MYH14: variants seen among roughly 807,000 people sequenced by gnomAD.
The protein encoded by MYH14 is myosin-14.
A neutral mutation model predicts 255.5 loss-of-function variants in MYH14; 123 were observed. The ratio of observed to expected loss-of-function variants is 0.48; its 90% confidence interval spans 0.42 to 0.56. The LOEUF is 0.56. Among genes scored for constraint, MYH14 ranks in the 20% least tolerant of loss-of-function variants. MYH14 has a pLI of 0.00. For synonymous variants in MYH14, 1,095 were observed against 1,161.2 expected (o/e 0.94, Z 1.16); for missense variants, 2,423 against 2,802.3 (o/e 0.86, Z 3.06).
chr19:50,218,724 A>G (rs2032634357), intron 3 of MYH14, among the ~76,000 whole-genome samples: 2 of 152,052 alleles, frequency 1.3e-5, no homozygotes, highest in African/African-American at 4.8e-5. Flanking sequence ...AGCAGTGTAC[A>G]CTGCACCCAA....
Position 50,276,075 on chromosome 19 carries a change from C to A in MYH14, c.3552C>A (p.Asp1184Glu). The A allele has an allele frequency of 6.2e-7, 1 of 1,611,390 alleles. No individual in the cohort carries two copies. Among genetic ancestry groups the A allele is most frequent in the Non-Finnish European group, 8.5e-7 (1 of 1,179,198 alleles). ...CAGCCCTGGCCGAGGCCCAGGAGGA[C>A]CTGGAGTCTGAGCGTGTGGCCAGGA... Reference protein sequence around the residue: ...AQAALAEAQEDLESERVARTK... With the variant: ...AQAALAEAQEELESERVARTK... The change falls in exon 28 of 43, where the codon GAC (aspartate) becomes GAA (glutamate). Residue 1184 changes from aspartate (D) to glutamate (E), a missense_variant. Around this residue, in one of 3 missense-constraint regions of MYH14, gnomAD observed 1,513 missense variants for 1,674.8 expected, o/e 0.90. Coordinates refer to ENST00000642316, the MANE Select transcript of MYH14 (RefSeq NM_001145809.2). The surrounding 1 kb of genome is among the most constrained non-coding windows in gnomAD (Gnocchi z 4.3).
In MYH14 at chr19:50,268,307, G is replaced by T; in HGVS notation, c.2973G>T (p.Glu991Asp). The T allele has an allele frequency of 6.3e-7, 1 of 1,587,224 alleles. No individual in the cohort carries two copies. The highest frequency in any genetic ancestry group is 8.6e-7 in the Non-Finnish European group (1 of 1,167,708). The change falls in exon 24 of 43, where the codon GAG (glutamate) becomes GAT (aspartate). Residue 991 changes from glutamate to aspartate, a missense_variant. Transcript: ENST00000642316. ...CAGAGCTGGAGGCTCGCGTGGGCGA[G>T]GAGGAGGAGTGCAGCCGTCAAATGC... The part of the protein sequence containing the change: ...VVSELEARVG[E>D]EEECSRQMQT...
intron 16 of MYH14, among the ~76,000 whole-genome samples, chr19:50,253,110 A>G (rs1256503607): frequency 6.6e-6 from 1 of 152,192 alleles, no homozygotes; most frequent in Admixed American, 6.5e-5. Flanking sequence ...AGGAAGAAGT[A>G]AACTTATTAT....
At chr19:50,273,031 C>T (rs189247645) in intron 27 of MYH14, among the ~76,000 whole-genome samples, 87 of 152,258 alleles carry the variant, frequency 5.7e-4, no homozygotes, top group African/African-American at 1.6e-3. Context: ...TGGCTCACAC[C>T]TGTAATCCCA....
Position 50,271,436 on chromosome 19 carries a change from G to C in MYH14, c.3061G>C (p.Glu1021Gln), listed in dbSNP as rs2035295990. Residue 1021 changes from glutamate to glutamine, a missense_variant, in exon 25 of 43, where the codon GAG becomes CAG. Around this residue, in one of 3 missense-constraint regions of MYH14, gnomAD observed 1,513 missense variants for 1,674.8 expected, o/e 0.90. Coordinates refer to ENST00000642316, the MANE Select transcript of MYH14 (RefSeq NM_001145809.2). Reference sequence around the variant, plus strand: ...GCTAGAGGCCCACCTTGAGGCTGAGGAGGGTGCGCGGCAGAAGCTGCAGCT... The same window carrying C: ...GCTAGAGGCCCACCTTGAGGCTGAGCAGGGTGCGCGGCAGAAGCTGCAGCT... ...QELEAHLEAEEGARQKLQLEK... is the reference protein window; with the variant it reads ...QELEAHLEAEQGARQKLQLEK... 1.2e-6 allele frequency: 2 copies of C among 1,606,448 alleles called. No individual in the cohort carries two copies. The highest frequency in any genetic ancestry group is 4.5e-5 in the East Asian group (2 of 44,608).
Position 50,230,932 on chromosome 19 carries a change from C to T in MYH14, c.973+309C>T, listed in dbSNP as rs2033351265. On this transcript the variant is annotated intron_variant, in intron 9 of 42. Transcript: ENST00000642316. This position sits in a 1 kb window ranked among gnomAD's most constrained non-coding sequence, Gnocchi z 4.7. ...GAAGCTCCGTGGCTTCTCTCTCGCG[C>T]GGCTTCTCCTCACTCCGGCGGGTGA... 5 of 376,168 alleles carry T rather than the reference C, an allele frequency of 1.3e-5. No homozygotes were observed. Among genetic ancestry groups the T allele is most frequent in the Non-Finnish European group, 2.5e-5 (5 of 201,546 alleles). 23.3% of individuals were successfully genotyped at this position (376,168 alleles called of 1,614,324 possible).
At position 50,280,390 on chromosome 19, in the gene MYH14, A is replaced by AG; in HGVS notation, c.4290+8dup. The stretch of plus-strand genomic sequence containing the variant: ...GCAGACTGCCCAGGCCCAGGTGAGC[A>AG]GCCCTACGTAAGACCTTCAGGGAGG... On this transcript the variant is annotated splice_region_variant and intron_variant, in intron 32 of 42. Coordinates refer to ENST00000642316, the MANE Select transcript of MYH14 (RefSeq NM_001145809.2). The surrounding 1 kb of genome is among the most constrained non-coding windows in gnomAD (Gnocchi z 4.8). 2 of 1,524,792 alleles carry AG rather than the reference A, an allele frequency of 1.3e-6. No homozygotes were observed. Among genetic ancestry groups the AG allele is most frequent in the Non-Finnish European group, 1.8e-6 (2 of 1,130,680 alleles). 94.5% of individuals were successfully genotyped at this position (1,524,792 alleles called of 1,614,324 possible).
chr19:50,229,445 C>T (rs565464341), intron 8 of MYH14, among the ~76,000 whole-genome samples: 5 of 152,124 alleles, frequency 3.3e-5, no homozygotes, highest in South Asian at 4.1e-4. Context: ...CTCAGGAATT[C>T]GAGGCCAGTC....
intron 39 of MYH14, among the ~76,000 whole-genome samples, chr19:50,297,491 CTTTTTTT>C (rs869049808): frequency 1.1e-4 from 8 of 74,320 alleles, no homozygotes; most frequent in East Asian, 5.5e-4. Context: ...CTCATCTCCT[CTTTTTTT>C]TTTTTTTTTT....
At chr19:50,290,451 G>C (rs183810771) in intron 35 of MYH14, among the ~76,000 whole-genome samples, 3 of 152,230 alleles carry the variant, frequency 2.0e-5, no homozygotes, top group African/African-American at 7.2e-5. Flanking sequence ...AGCCATGTAG[G>C]CAACAGACTT....
intron 19 of MYH14, 82 bp downstream of exon 19, chr19:50,259,347 C>T: frequency 1.3e-6 from 2 of 1,506,270 alleles, no homozygotes; most frequent in Non-Finnish European, 1.8e-6. Flanking sequence ...GCATTCAGGT[C>T]TCCACCCACT....
At chr19:50,272,052 T>A in intron 26 of MYH14, 80 bp downstream of exon 26, 1 of 1,539,236 alleles carries the variant, frequency 6.5e-7, no homozygotes. Flanking sequence ...CTACAGGGCC[T>A]CAGTGGCTGT....
Position 50,261,581 on chromosome 19 carries a change from T to TCC in MYH14, c.2532_2533insCC (p.Thr845ProfsTer31). The TCC allele has an allele frequency of 6.2e-7, 1 of 1,601,950 alleles. No homozygotes were observed. The highest frequency in any genetic ancestry group is 1.4e-5 in the African/African-American group (1 of 72,820). On this transcript the variant is annotated frameshift_variant, in exon 21 of 43. Coordinates refer to ENST00000642316, the MANE Select transcript of MYH14 (RefSeq NM_001145809.2). LOFTEE classifies it high-confidence loss of function. ...CTGGAAGAGGAGCGAGACCTGAAGG[T>TCC]CACCGACATCATCGTCTCCTTCCAG... is the stretch of plus-strand genomic sequence containing the variant.
At position 50,231,734 on chromosome 19, in the gene MYH14, T is replaced by TAGAG. The variant is rs59611680; in HGVS notation, c.974-194_974-191dup. Among the ~76,000 whole-genome samples, 106,482 of 150,754 alleles carry TAGAG rather than the reference T, an allele frequency of 0.71. 37,794 individuals carry two copies. The highest frequency in any genetic ancestry group is 0.79 in the South Asian group (3,751 of 4,752). On this transcript the variant is annotated intron_variant, in intron 9 of 42. Coordinates refer to ENST00000642316, the MANE Select transcript of MYH14 (RefSeq NM_001145809.2). ...TCTCTAAAAAATTAAAAAAAAAAAA[T>TAGAG]AGAGACAGAGTGGTGGTCTCATAGG... is the stretch of plus-strand genomic sequence containing the variant.
At chr19:50,305,547 G>A (rs150588336) in intron 40 of MYH14, among the ~76,000 whole-genome samples, 1,811 of 152,178 alleles carry the variant, frequency 0.012, 42 homozygotes, top group African/African-American at 0.042. Context: ...CAGGGCTTAT[G>A]GGAACTGTAG....
intron 41 of MYH14, chr19:50,308,382 AT>A (rs1175386059): frequency 6.6e-6 from 1 of 152,218 alleles, no homozygotes; most frequent in Non-Finnish European, 1.5e-5. Context: ...AGATGCCAGA[AT>A]TTATAAATTG....
At chr19:50,288,922 G>C (rs1226747833) in intron 34 of MYH14, among the ~76,000 whole-genome samples, 1 of 151,954 alleles carries the variant, frequency 6.6e-6, no homozygotes, top group Non-Finnish European at 1.5e-5. Flanking sequence ...AGCATTTGGG[G>C]GTTTAATTCA....
rs531134555 is a variant in MYH14, at chr19:50,275,591, C to G, written c.3468-400C>G. Among the ~76,000 whole-genome samples, 27 of 152,256 alleles carry G rather than the reference C, an allele frequency of 1.8e-4. No individual in the cohort carries two copies. In the South Asian group the frequency reaches 5.4e-3, roughly 30 times the overall value. ...CCTGCAATCCCAGCACTTTGTAAGG[C>G]CGAGGTGGGAGGATGACTTGAGGCC... On this transcript the variant is annotated intron_variant, in intron 27 of 42. Transcript: ENST00000642316.
At chr19:50,261,754 G>A (rs767714537) in intron 21 of MYH14, 119 bp downstream of exon 21, 2 of 944,268 alleles carry the variant, frequency 2.1e-6, no homozygotes, top group Non-Finnish European at 2.9e-6. Flanking sequence ...GGAGCAGGTG[G>A]ATGGAGGTGC....
Sources: gnomAD v4.1 joint callset for allele counts (sites outside exome capture counted in the v4.1 genomes callset) on GRCh38, gnomAD v4.1.1 for gene constraint, gnomAD v4.1.1 regional missense constraint, Gnocchi (gnomAD v3.1) non-coding constraint, MANE v1.5 for transcripts, NCBI Gene and HGNC (gene_info 2026-07-23, HGNC 2026-07-21) for gene names.